VTI1A: variants seen among roughly 807,000 people sequenced by gnomAD.
VTI1A encodes vesicle transport through interaction with t-SNAREs homolog 1A.
A neutral mutation model predicts 34.9 loss-of-function variants in VTI1A; 22 were observed. The ratio of observed to expected loss-of-function variants is 0.63; its 90% confidence interval spans 0.45 to 0.90. The LOEUF (loss-of-function observed/expected upper bound fraction) is 0.90, where lower values mean the gene tolerates loss of function less well. Ranked by LOEUF, VTI1A falls within the 40% of genes least tolerant of loss-of-function variation. The pLI is 0.00. For missense variants in VTI1A, 268 were observed against 275.6 expected (o/e 0.97, Z 0.20); for synonymous variants, 87 against 97.3 (o/e 0.89, Z 0.62).
chr10:112,484,510 C>G (rs1848552682), intron 3 of VTI1A, among the ~76,000 whole-genome samples: 1 of 152,146 alleles, frequency 6.6e-6, no homozygotes, highest in Non-Finnish European at 1.5e-5. Context: ...GATAGATTTT[C>G]TTTACTTTCC....
rs141918418 is a variant in VTI1A, at chr10:112,774,422, T to A, written c.561-40868T>A. 3.6e-3 allele frequency among the ~76,000 whole-genome samples: 549 copies of A among 152,238 alleles called. 5 individuals are homozygous for A. The highest frequency in any genetic ancestry group is 0.012 in the African/African-American group (517 of 41,532). On this transcript the variant is annotated intron_variant, in intron 7 of 7. Transcript: ENST00000393077. ...GGGCCACCCCAGGATGACTACTTCC[T>A]CCTCTGAACTTTGGTCTTCCCACTA...
chr10:112,673,784 A>G (rs747921788), intron 7 of VTI1A, among the ~76,000 whole-genome samples: 3 of 152,236 alleles, frequency 2.0e-5, no homozygotes, highest in Non-Finnish European at 4.4e-5. Context: ...AAACATCTGG[A>G]AAGCTTAAAT....
intron 1 of VTI1A, among the ~76,000 whole-genome samples, chr10:112,452,836 G>C (rs1315691889): frequency 6.6e-6 from 1 of 151,440 alleles, no homozygotes; most frequent in Non-Finnish European, 1.5e-5. Flanking sequence ...CCCATGCCCA[G>C]TTTTCTCTGT....
intron 7 of VTI1A, among the ~76,000 whole-genome samples, chr10:112,764,654 G>C (rs1168871730): frequency 6.6e-6 from 1 of 152,058 alleles, no homozygotes; most frequent in Non-Finnish European, 1.5e-5. Flanking sequence ...TTTTAATTAA[G>C]TTGAGCTTTT....
intron 7 of VTI1A, among the ~76,000 whole-genome samples, chr10:112,717,239 G>C (rs569810505): frequency 1.3e-5 from 2 of 152,340 alleles, no homozygotes; most frequent in African/African-American, 4.8e-5. Context: ...GGCCTGAAAG[G>C]CTTGGCTCCA....
At chr10:112,541,649 ATAAT>A (rs1850874547) in intron 5 of VTI1A, among the ~76,000 whole-genome samples, 1 of 152,254 alleles carries the variant, frequency 6.6e-6, no homozygotes. Flanking sequence ...TTCTTAATAA[ATAAT>A]GAAATCCATC....
At chr10:112,556,265 C>T (rs1014884003) in intron 5 of VTI1A, among the ~76,000 whole-genome samples, 5 of 151,998 alleles carry the variant, frequency 3.3e-5, no homozygotes, top group African/African-American at 9.7e-5. Flanking sequence ...AGAGAAGTCG[C>T]TTTTCACATC....
intron 4 of VTI1A, chr10:112,533,431 TAA>T: frequency 2.6e-6 from 2 of 782,252 alleles, no homozygotes; most frequent in Non-Finnish European, 3.1e-6. Flanking sequence ...TGTAAACAGA[TAA>T]ATTGTCAATG....
At chr10:112,501,787 G>C (rs1197266805) in intron 3 of VTI1A, among the ~76,000 whole-genome samples, 1 of 151,790 alleles carries the variant, frequency 6.6e-6, no homozygotes, top group Non-Finnish European at 1.5e-5. Context: ...CTAAAATAAT[G>C]CCTGAAATTA....
chr10:112,785,514 TA>T (rs1852259337), intron 7 of VTI1A, among the ~76,000 whole-genome samples: 1 of 152,250 alleles, frequency 6.6e-6, no homozygotes, highest in Non-Finnish European at 1.5e-5. Context: ...TTAATTTTGA[TA>T]AAAATTTATC....
chr10:112,783,002 C>G (rs1852181024), intron 7 of VTI1A, among the ~76,000 whole-genome samples: 1 of 151,978 alleles, frequency 6.6e-6, no homozygotes, highest in African/African-American at 2.4e-5. Context: ...GTTCAAATAA[C>G]ACACACACAC....
chr10:112,459,551 AT>A (rs1847659361), intron 1 of VTI1A, among the ~76,000 whole-genome samples: 2 of 152,180 alleles, frequency 1.3e-5, no homozygotes, highest in Non-Finnish European at 2.9e-5. Context: ...CAGAGTCTTT[AT>A]GGAGATAGCA....
chr10:112,450,642 G>A (rs1847203636), intron 1 of VTI1A: 1 of 152,162 alleles, frequency 6.6e-6, no homozygotes, highest in Admixed American at 6.5e-5. Flanking sequence ...GAACAGAAGA[G>A]TGAACATTTA....
chr10:112,771,592 C>T (rs995088691), intron 7 of VTI1A, among the ~76,000 whole-genome samples: 1 of 152,176 alleles, frequency 6.6e-6, no homozygotes, highest in Non-Finnish European at 1.5e-5. Flanking sequence ...TTAAAGTATA[C>T]AATTCAATGG....
chr10:112,758,858 G>A (rs922937041), intron 7 of VTI1A, among the ~76,000 whole-genome samples: 3 of 152,238 alleles, frequency 2.0e-5, no homozygotes, highest in Admixed American at 6.5e-5. Flanking sequence ...TTTAAGGCAT[G>A]AGCAGCAGGT....
At chr10:112,569,288 A>G (rs773907848) in intron 5 of VTI1A, among the ~76,000 whole-genome samples, 8 of 152,182 alleles carry the variant, frequency 5.3e-5, no homozygotes, top group Non-Finnish European at 7.3e-5. Context: ...CATACACTTC[A>G]TTTGATCTTC....
chr10:112,838,679 G>A, the VTI1A span, among the ~76,000 whole-genome samples: 1 of 152,162 alleles, frequency 6.6e-6, no homozygotes, highest in Non-Finnish European at 1.5e-5. Context: ...CACAGAAGAC[G>A]CTGGAGGGGC....
intron 5 of VTI1A, among the ~76,000 whole-genome samples, chr10:112,614,658 G>T (rs947495825): frequency 3.9e-5 from 6 of 152,206 alleles, no homozygotes; most frequent in African/African-American, 1.4e-4. Flanking sequence ...AGACAGTTGG[G>T]CATCTTGAAG....
rs534757072 is a variant in VTI1A, at chr10:112,736,933, A to G, written c.560+67935A>G. ...TGCATGAGTACTTGGCAAGGATGCT[A>G]TCAAAGGGGAAACTGACATCAAATG... On this transcript the variant is annotated intron_variant, in intron 7 of 7. Coordinates refer to ENST00000393077, the MANE Select transcript of VTI1A (RefSeq NM_145206.4). 18 of 629,746 alleles carry G rather than the reference A, an allele frequency of 2.9e-5. No homozygotes were observed. In the East Asian group the frequency reaches 4.7e-4, roughly 16 times the overall value. The allele number at this position is 629,746 out of a possible 1,614,324, so 39.0% of individuals were successfully genotyped here.
Sources: gnomAD v4.1 joint callset for allele counts (sites outside exome capture counted in the v4.1 genomes callset) on GRCh38, gnomAD v4.1.1 for gene constraint, MANE v1.5 for transcripts, NCBI Gene and HGNC (gene_info 2026-07-23, HGNC 2026-07-21) for gene names.